The following MAF variants were observed in gnomAD, a reference collection of about 807,000 sequenced individuals.
The protein encoded by MAF is MAF bZIP transcription factor.
MAF carries 10 observed loss-of-function variants against 22.0 expected under a neutral mutation model. The observed-to-expected ratio is 0.45, with a 90% CI of 0.28 to 0.77. The LOEUF (loss-of-function observed/expected upper bound fraction) is 0.77, where lower values mean the gene tolerates loss of function less well. Ranked by LOEUF, MAF falls within the 30% of genes least tolerant of loss-of-function variation. The pLI is 0.12. For synonymous variants in MAF, 337 were observed against 255.8 expected, an observed-to-expected ratio of 1.32 and a Z score of -3.03; for missense variants, 544 against 548.4, an observed-to-expected ratio of 0.99 and a Z score of 0.08.
At chr16:79,584,323 G>C (rs1206531459), downstream of MAF, among the ~76,000 whole-genome samples, 2 of 152,094 alleles carry the variant, frequency 1.3e-5, no homozygotes, top group African/African-American at 2.4e-5. Context: ...ACTCCCCCAA[G>C]AGTACCAAGT....
At chr16:79,269,997 A>G in the MAF span, among the ~76,000 whole-genome samples, 1 of 152,134 alleles carries the variant, frequency 6.6e-6, no homozygotes, top group Non-Finnish European at 1.5e-5. Flanking sequence ...TCATTCCAGA[A>G]AGATCACAGC....
the MAF span, among the ~76,000 whole-genome samples, chr16:79,314,512 G>T: frequency 6.6e-6 from 1 of 152,180 alleles, no homozygotes; most frequent in Non-Finnish European, 1.5e-5. Context: ...CAGGGAGGAG[G>T]TCACCGAGGC....
At chr16:79,221,767 G>C in the MAF span, among the ~76,000 whole-genome samples, 1 of 152,084 alleles carries the variant, frequency 6.6e-6, no homozygotes, top group Non-Finnish European at 1.5e-5. Flanking sequence ...GTATGTGTGT[G>C]TGTGCATGTA....
chr16:79,522,787 C>T, the MAF span, among the ~76,000 whole-genome samples: 11 of 152,270 alleles, frequency 7.2e-5, no homozygotes, highest in African/African-American at 2.2e-4. Flanking sequence ...TCTAATATCA[C>T]GAATGTTTTA....
At chr16:79,445,290 G>A in the MAF span, among the ~76,000 whole-genome samples, 4 of 151,768 alleles carry the variant, frequency 2.6e-5, no homozygotes, top group Admixed American at 6.6e-5. Context: ...TGATCTGCCC[G>A]CCTTGGCCTC....
chr16:79,299,712 G>C, the MAF span, among the ~76,000 whole-genome samples: 1 of 152,214 alleles, frequency 6.6e-6, no homozygotes. Context: ...CCTTGATCTT[G>C]ACTATTCTAA....
the MAF span, among the ~76,000 whole-genome samples, chr16:79,532,648 C>A: frequency 6.6e-6 from 1 of 152,138 alleles, no homozygotes; most frequent in Non-Finnish European, 1.5e-5. Flanking sequence ...TGGGGGCGGC[C>A]TCTGTCAGGC....
chr16:79,389,787 T>C, the MAF span, among the ~76,000 whole-genome samples: 1 of 151,220 alleles, frequency 6.6e-6, no homozygotes, highest in South Asian at 2.1e-4. Context: ...CCATGCTGGC[T>C]AACATGGTGA....
the MAF span, among the ~76,000 whole-genome samples, chr16:79,504,993 C>A: frequency 6.6e-6 from 1 of 152,100 alleles, no homozygotes; most frequent in South Asian, 2.1e-4. Flanking sequence ...TTGGAGTATG[C>A]CCTCATCTGC....
At chr16:79,370,144 A>G in the MAF span, among the ~76,000 whole-genome samples, 2 of 152,188 alleles carry the variant, frequency 1.3e-5, no homozygotes, top group Admixed American at 6.5e-5. Flanking sequence ...CTAATTGGCT[A>G]AAGTATACTT....
chr16:79,462,018 T>G, the MAF span, among the ~76,000 whole-genome samples: 4 of 152,142 alleles, frequency 2.6e-5, no homozygotes, highest in African/African-American at 9.7e-5. Flanking sequence ...TCCCTGCAAA[T>G]GGAGTCTCTA....
chr16:79,445,488 T>A, the MAF span, among the ~76,000 whole-genome samples: 2 of 152,100 alleles, frequency 1.3e-5, no homozygotes, highest in African/African-American at 4.8e-5. Context: ...ACAGAGCAAA[T>A]AGATGGCTCA....
the MAF span, among the ~76,000 whole-genome samples, chr16:79,565,284 T>C: frequency 6.6e-6 from 1 of 152,154 alleles, no homozygotes; most frequent in Non-Finnish European, 1.5e-5. Context: ...GGGGCATTCA[T>C]TTACATATTG....
the MAF span, among the ~76,000 whole-genome samples, chr16:79,309,824 T>C: frequency 1.3e-5 from 2 of 152,180 alleles, no homozygotes; most frequent in Admixed American, 6.5e-5. Context: ...AACTTTGCTG[T>C]ACCTCTATGC....
At chr16:79,571,022 G>T in the MAF span, among the ~76,000 whole-genome samples, 1 of 151,772 alleles carries the variant, frequency 6.6e-6, no homozygotes, top group Non-Finnish European at 1.5e-5. Context: ...TAGAGGGAAA[G>T]TGACTTTCCC....
At chr16:79,561,256 C>T in the MAF span, among the ~76,000 whole-genome samples, 1 of 151,500 alleles carries the variant, frequency 6.6e-6, no homozygotes. Context: ...TTTTTTTTTC[C>T]TAGATGTCCT....
the MAF span, among the ~76,000 whole-genome samples, chr16:79,307,318 G>C: frequency 3.3e-5 from 5 of 152,196 alleles, no homozygotes; most frequent in African/African-American, 1.2e-4. Flanking sequence ...CCCTGGAATG[G>C]AAGGAAGGGC....
At chr16:79,380,244 T>G in the MAF span, among the ~76,000 whole-genome samples, 75 of 152,358 alleles carry the variant, frequency 4.9e-4, no homozygotes, top group Admixed American at 4.6e-3. Flanking sequence ...TGTATATTCA[T>G]TAGAATAGCT....
the MAF span, among the ~76,000 whole-genome samples, chr16:79,378,415 C>T: frequency 1.3e-5 from 2 of 152,090 alleles, no homozygotes; most frequent in Admixed American, 6.5e-5. Context: ...TAAAACCAAG[C>T]TTGGCGAAAC....
Sources: gnomAD v4.1 joint callset for allele counts (sites outside exome capture counted in the v4.1 genomes callset) on GRCh38, gnomAD v4.1.1 for gene constraint, MANE v1.5 for transcripts, NCBI Gene and HGNC (gene_info 2026-07-23, HGNC 2026-07-21) for gene names.